SEMA4D: variants seen among roughly 807,000 people sequenced by gnomAD.
The protein encoded by SEMA4D is semaphorin-4D.
Under a neutral mutation model 74.8 loss-of-function variants are expected in SEMA4D, and 22 were observed. That is an observed-to-expected ratio of 0.29 (90% CI 0.21 to 0.42). The LOEUF (loss-of-function observed/expected upper bound fraction) is 0.42. SEMA4D is among the 10% of genes least tolerant of loss of function. The probability of loss-of-function intolerance (pLI) is 1.00; values close to 1 mark genes in which losing one functional copy is unlikely to be tolerated. For synonymous variants in SEMA4D, 445 were observed against 463.7 expected, an observed-to-expected ratio of 0.96 and a Z score of 0.52; for missense variants, 937 against 1,118.4, an observed-to-expected ratio of 0.84 and a Z score of 2.31.
At chr9:89,429,451 G>A (rs1038428675) in intron 2 of SEMA4D, among the ~76,000 whole-genome samples, 4 of 152,204 alleles carry the variant, frequency 2.6e-5, no homozygotes, top group Non-Finnish European at 2.9e-5. Context: ...ACTTCCGGAA[G>A]TCATATCAGT....
intron 16 of SEMA4D, chr9:89,368,503 G>A (rs553064493): frequency 1.3e-5 from 2 of 152,896 alleles, no homozygotes; most frequent in South Asian, 4.1e-4. Context: ...GGACCCTTCT[G>A]GGGACAAGGA....
intron 13 of SEMA4D, chr9:89,385,429 G>A: frequency 3.0e-6 from 3 of 985,446 alleles, no homozygotes; most frequent in Non-Finnish European, 3.6e-6. Context: ...AGGCTGGGGT[G>A]AGGCCCCACA....
chr9:89,363,278 T>C (rs567369092), intron 18 of SEMA4D: 10 of 1,068,336 alleles, frequency 9.4e-6, no homozygotes, highest in Non-Finnish European at 1.2e-5. Flanking sequence ...CCCCCCCCAG[T>C]GTTGCAGATT....
intron 2 of SEMA4D, among the ~76,000 whole-genome samples, chr9:89,407,666 GC>G (rs2133829584): frequency 6.6e-6 from 1 of 152,044 alleles, no homozygotes; most frequent in Non-Finnish European, 1.5e-5. Flanking sequence ...TCAGAATAAG[GC>G]CCACATTTTC....
intron 1 of SEMA4D, among the ~76,000 whole-genome samples, chr9:89,461,554 G>A (rs978676095): frequency 6.6e-6 from 1 of 152,220 alleles, no homozygotes; most frequent in Non-Finnish European, 1.5e-5. Flanking sequence ...GGCACCACAG[G>A]AAGGCTGCCA....
In SEMA4D at chr9:89,402,892, G is replaced by A; in HGVS notation, c.231C>T (p.Asn77=). 1 of 1,614,034 alleles carries A rather than the reference G, an allele frequency of 6.2e-7. No homozygotes were observed. The highest frequency in any genetic ancestry group is 8.5e-7 in the Non-Finnish European group (1 of 1,179,894). The stretch of plus-strand genomic sequence containing the variant: ...GTACCTCATGCTGCTTCTCGGAGAT[G>A]TTGAGTGCGTTCACAGCGAAGACCG... ...REAVFAVNAL[N]ISEKQHEVYW... The change falls in exon 4 of 16, where the codon AAC becomes AAT. Residue 77 remains asparagine, a synonymous_variant. Coordinates refer to ENST00000422704, the MANE Select transcript of SEMA4D (RefSeq NM_001371194.2).
At chr9:89,419,803 G>C (rs1011709231) in intron 2 of SEMA4D, among the ~76,000 whole-genome samples, 1 of 152,074 alleles carries the variant, frequency 6.6e-6, no homozygotes, top group Admixed American at 6.6e-5. Flanking sequence ...TGTCATCCCA[G>C]CTACTTGGGA....
At chr9:89,450,508 C>A (rs1854113418) in intron 2 of SEMA4D, 4 of 1,304,410 alleles carry the variant, frequency 3.1e-6, no homozygotes, top group African/African-American at 1.4e-5. Flanking sequence ...GAATTTGTTG[C>A]CCAGTTTAAA....
At chr9:89,425,691 C>G (rs1847948781) in intron 2 of SEMA4D, among the ~76,000 whole-genome samples, 1 of 152,186 alleles carries the variant, frequency 6.6e-6, no homozygotes, top group Admixed American at 6.5e-5. Flanking sequence ...TGTACATCCA[C>G]CCCCTCCCCC....
chr9:89,475,525 ATCAT>A (rs761775999), intron 1 of SEMA4D, among the ~76,000 whole-genome samples: 1 of 152,154 alleles, frequency 6.6e-6, no homozygotes, highest in Non-Finnish European at 1.5e-5. Flanking sequence ...TCACCCATCA[ATCAT>A]TCATTCACTC....
chr9:89,465,492 G>C (rs1397661669), intron 1 of SEMA4D, among the ~76,000 whole-genome samples: 7 of 152,208 alleles, frequency 4.6e-5, no homozygotes, highest in Non-Finnish European at 1.0e-4. Flanking sequence ...GGCCATGATG[G>C]ATTGATAATT....
chr9:89,380,115 T>C (rs1042040299), intron 15 of SEMA4D, among the ~76,000 whole-genome samples: 1 of 151,690 alleles, frequency 6.6e-6, no homozygotes, highest in African/African-American at 2.4e-5. Flanking sequence ...TCACTGCAGC[T>C]TCAACCCCCC....
intron 2 of SEMA4D, among the ~76,000 whole-genome samples, chr9:89,445,198 C>A (rs966892485): frequency 6.6e-6 from 1 of 152,192 alleles, no homozygotes; most frequent in Admixed American, 6.5e-5. Context: ...TTTTCAGAAA[C>A]GGATCCTGCA....
intron 5 of SEMA4D, among the ~76,000 whole-genome samples, chr9:89,397,339 T>C (rs1564618437): frequency 6.6e-6 from 1 of 152,224 alleles, no homozygotes; most frequent in Non-Finnish European, 1.5e-5. Context: ...GTGTCCACCC[T>C]ACAGAATTTC....
downstream of SEMA4D, among the ~76,000 whole-genome samples, chr9:89,373,287 C>G (rs1404471611): frequency 1.3e-5 from 2 of 152,208 alleles, no homozygotes; most frequent in African/African-American, 4.8e-5. Flanking sequence ...CACCCCGATC[C>G]CCTTTCAGGA....
intron 1 of SEMA4D, among the ~76,000 whole-genome samples, chr9:89,493,519 T>C (rs760447009): frequency 5.3e-5 from 8 of 152,164 alleles, no homozygotes; most frequent in Non-Finnish European, 8.8e-5. Flanking sequence ...AGTGGGTCAA[T>C]TGCAGGCCTA....
intron 2 of SEMA4D, among the ~76,000 whole-genome samples, chr9:89,423,474 G>A (rs1159777203): frequency 1.3e-5 from 2 of 152,160 alleles, no homozygotes; most frequent in African/African-American, 4.8e-5. Flanking sequence ...ATAGGCATGA[G>A]CCACTGTGTC....
At chr9:89,448,707 C>T (rs767084906) in intron 2 of SEMA4D, among the ~76,000 whole-genome samples, 13 of 152,204 alleles carry the variant, frequency 8.5e-5, no homozygotes, top group Middle Eastern at 3.2e-3. Flanking sequence ...GCTTCACTGG[C>T]GGGCATGACA....
chr9:89,362,192 A>G, exon 19 of SEMA4D: 2 of 711,152 alleles, frequency 2.8e-6, no homozygotes, highest in South Asian at 1.8e-5. Flanking sequence ...TTTAAGTCTT[A>G]GTTCCTGTCA....
Sources: gnomAD v4.1 joint callset for allele counts (sites outside exome capture counted in the v4.1 genomes callset) on GRCh38, gnomAD v4.1.1 for gene constraint, MANE v1.5 for transcripts, NCBI Gene and HGNC (gene_info 2026-07-23, HGNC 2026-07-21) for gene names.